KIAA0825: variants seen among roughly 807,000 people sequenced by gnomAD.
KIAA0825 encodes the protein KIAA0825.
In KIAA0825, 119 loss-of-function variants were observed where a neutral mutation model predicts 147.6. The observed-to-expected ratio is 0.81, with a 90% CI of 0.69 to 0.94. The LOEUF (loss-of-function observed/expected upper bound fraction) is 0.94, where lower values mean the gene tolerates loss of function less well. Among genes scored for constraint, KIAA0825 ranks in the 40% least tolerant of loss-of-function variants. KIAA0825 has a pLI of 0.00. For synonymous variants in KIAA0825, 470 were observed against 518.1 expected, an observed-to-expected ratio of 0.91 and a Z score of 1.26; for missense variants, 1,381 against 1,472.7, an observed-to-expected ratio of 0.94 and a Z score of 1.02.
At chr5:94,231,007 A>T (rs1774645399) in intron 20 of KIAA0825, among the ~76,000 whole-genome samples, 1 of 152,150 alleles carries the variant, frequency 6.6e-6, no homozygotes, top group African/African-American at 2.4e-5. Flanking sequence ...AAGATGGGCC[A>T]ATGAAAAACC....
At chr5:94,586,594 G>A (rs956272077) in intron 1 of KIAA0825, among the ~76,000 whole-genome samples, 4 of 152,162 alleles carry the variant, frequency 2.6e-5, no homozygotes, top group Admixed American at 2.6e-4. Context: ...CAGATTCACA[G>A]CCAAATTCTA....
chr5:94,289,696 A>G (rs1484706761), intron 20 of KIAA0825, among the ~76,000 whole-genome samples: 1 of 151,470 alleles, frequency 6.6e-6, no homozygotes, highest in Non-Finnish European at 1.5e-5. Context: ...GAATAAATGA[A>G]TGAACAAACA....
At chr5:94,248,868 C>T (rs1225381685) in intron 20 of KIAA0825, among the ~76,000 whole-genome samples, 1 of 152,076 alleles carries the variant, frequency 6.6e-6, no homozygotes, top group Non-Finnish European at 1.5e-5. Context: ...AATAAACCTG[C>T]AATTTCAGCC....
intron 14 of KIAA0825, among the ~76,000 whole-genome samples, chr5:94,429,061 TA>T (rs1339212330): frequency 2.2e-4 from 34 of 152,318 alleles, no homozygotes; most frequent in African/African-American, 7.7e-4. Flanking sequence ...TTATTCATTT[TA>T]AAGATATTTT....
intron 1 of KIAA0825, among the ~76,000 whole-genome samples, chr5:94,604,802 C>A (rs1385851636): frequency 6.6e-6 from 1 of 151,996 alleles, no homozygotes. Flanking sequence ...CTAGAAAGAT[C>A]TCAAGTTAAC....
chr5:94,472,624 G>A (rs571002621), intron 8 of KIAA0825, among the ~76,000 whole-genome samples: 2 of 152,190 alleles, frequency 1.3e-5, no homozygotes, highest in Non-Finnish European at 2.9e-5. Context: ...GGCGCCTTTA[G>A]TCCCAGCTAC....
chr5:94,500,421 G>T (rs1764927535), intron 5 of KIAA0825, among the ~76,000 whole-genome samples: 1 of 152,174 alleles, frequency 6.6e-6, no homozygotes, highest in Non-Finnish European at 1.5e-5. Context: ...AGGTGGTCAG[G>T]CAAAATGTAA....
rs1043717312 is a variant in KIAA0825, at chr5:94,517,099, C to G, written c.970+3149G>C. 2.0e-5 allele frequency among the ~76,000 whole-genome samples: 3 copies of G among 151,994 alleles called. No homozygotes were observed. The South Asian group carries it at 6.2e-4, about 31-fold the overall frequency. On this transcript the variant is annotated intron_variant, in intron 5 of 20. Coordinates refer to ENST00000682413, the MANE Select transcript of KIAA0825 (RefSeq NM_001145678.3). ...CTGGGCAACAAGAGCAAAACTCCAA[C>G]TCAAAAAAACAAAAAAAGTGAAAGT... is the stretch of plus-strand genomic sequence containing the variant.
intron 20 of KIAA0825, among the ~76,000 whole-genome samples, chr5:94,253,814 C>T (rs1406974511): frequency 2.6e-5 from 4 of 152,092 alleles, no homozygotes; most frequent in Non-Finnish European, 5.9e-5. Context: ...ATGCTATCTG[C>T]CAAAAGATAT....
rs1019840019 is a variant in KIAA0825 at position 94,402,953 on chromosome 5, A to G, written c.2887+616T>C. On this transcript the variant is annotated intron_variant, in intron 16 of 20. Coordinates refer to ENST00000682413, the MANE Select transcript of KIAA0825 (RefSeq NM_001145678.3). ...CTATTTAAGAAGAGAGGACTTGACTAATAAAATAAACGAATAATGTAGGTA... is the reference window on the plus strand; with the variant it reads ...CTATTTAAGAAGAGAGGACTTGACTGATAAAATAAACGAATAATGTAGGTA... Among the ~76,000 whole-genome samples, 3 of 152,238 alleles carry G rather than the reference A, an allele frequency of 2.0e-5. No homozygotes were observed. The East Asian group carries it at 5.8e-4, about 30-fold the overall frequency.
At chr5:94,185,203 T>A (rs1372145583) in intron 20 of KIAA0825, among the ~76,000 whole-genome samples, 3 of 152,174 alleles carry the variant, frequency 2.0e-5, no homozygotes, top group Non-Finnish European at 4.4e-5. Context: ...CAGTATGGGA[T>A]CCTGGGACTT....
At chr5:94,545,532 T>C (rs1291087521) in intron 2 of KIAA0825, among the ~76,000 whole-genome samples, 3 of 152,136 alleles carry the variant, frequency 2.0e-5, no homozygotes, top group Non-Finnish European at 4.4e-5. Flanking sequence ...GCAACAATAG[T>C]ACAGGGTACC....
intron 20 of KIAA0825, among the ~76,000 whole-genome samples, chr5:94,366,549 G>A (rs1172030068): frequency 6.6e-6 from 1 of 152,162 alleles, no homozygotes; most frequent in Non-Finnish European, 1.5e-5. Flanking sequence ...CCTGTCCAAA[G>A]AGGAGGATCA....
chr5:94,404,876 C>T (rs1299949664), intron 15 of KIAA0825, among the ~76,000 whole-genome samples: 2 of 152,050 alleles, frequency 1.3e-5, no homozygotes, highest in Non-Finnish European at 2.9e-5. Flanking sequence ...TCGGTGTCCT[C>T]ATTTATAAAA....
chr5:94,527,335 C>T (rs1302252189), intron 3 of KIAA0825, among the ~76,000 whole-genome samples: 1 of 151,914 alleles, frequency 6.6e-6, no homozygotes, highest in African/African-American at 2.4e-5. Context: ...TAATTATAAA[C>T]TCTTGAAACT....
In KIAA0825 at chr5:94,438,639, G is replaced by A. The variant is rs553086428; in HGVS notation, c.2497+1343C>T. On this transcript the variant is annotated intron_variant, in intron 14 of 20. Coordinates refer to ENST00000682413, the MANE Select transcript of KIAA0825 (RefSeq NM_001145678.3). ...TTACAGTTTGGAGAGCACCAGGAGA[G>A]AAGCAATATTCTCACAAGAGACACT... 9.5e-4 allele frequency among the ~76,000 whole-genome samples: 145 copies of A among 152,234 alleles called. 1 individual carries two copies. Among genetic ancestry groups the A allele is most frequent in the African/African-American group, 3.2e-3 (133 of 41,546 alleles).
intron 3 of KIAA0825, among the ~76,000 whole-genome samples, chr5:94,533,762 T>C (rs1771409205): frequency 6.6e-6 from 1 of 152,248 alleles, no homozygotes; most frequent in African/African-American, 2.4e-5. Context: ...TTTTGATATG[T>C]GTTTGAATAA....
chr5:94,399,235 CAT>C (rs1562459109), intron 16 of KIAA0825, among the ~76,000 whole-genome samples: 1 of 152,030 alleles, frequency 6.6e-6, no homozygotes, highest in Non-Finnish European at 1.5e-5. Flanking sequence ...TGAAATGTCT[CAT>C]TGTTCTTTTT....
At chr5:94,357,479 A>G (rs1236310045) in intron 20 of KIAA0825, among the ~76,000 whole-genome samples, 2 of 152,254 alleles carry the variant, frequency 1.3e-5, no homozygotes, top group African/African-American at 2.4e-5. Context: ...ACAACATTTT[A>G]TAGAAGTTTG....
Sources: gnomAD v4.1 joint callset for allele counts (sites outside exome capture counted in the v4.1 genomes callset) on GRCh38, gnomAD v4.1.1 for gene constraint, MANE v1.5 for transcripts, NCBI Gene and HGNC (gene_info 2026-07-23, HGNC 2026-07-21) for gene names.